Variants in SPAG17 observed in about 807,000 individuals in gnomAD.
The protein encoded by SPAG17 is sperm associated antigen 17.
A neutral mutation model predicts 273.6 loss-of-function variants in SPAG17; 169 were observed. The ratio of observed to expected loss-of-function variants is 0.62; its 90% CI spans 0.55 to 0.70. The LOEUF (loss-of-function observed/expected upper bound fraction) is 0.70, where lower values mean the gene tolerates loss of function less well. Among genes scored for constraint, SPAG17 ranks in the 30% least tolerant of loss-of-function variants. The probability of loss-of-function intolerance (pLI) is 0.00; values close to 1 mark genes in which losing one functional copy is unlikely to be tolerated. For synonymous variants in SPAG17, 825 were observed against 873.2 expected (o/e 0.94, Z 0.97); for missense variants, 2,557 against 2,627.8 (o/e 0.97, Z 0.59).
At chr1:117,982,019 T>C (rs903208287) in intron 42 of SPAG17, among the ~76,000 whole-genome samples, 34 of 152,130 alleles carry the variant, frequency 2.2e-4, no homozygotes, top group Non-Finnish European at 4.7e-4. Context: ...CAGTGTTTGG[T>C]TAGTGCTGAC....
At position 118,012,822 on chromosome 1, in the gene SPAG17, G is replaced by A. The variant is rs551364097; in HGVS notation, c.4288-450C>T. Among the ~76,000 whole-genome samples, 7 of 152,300 alleles carry A rather than the reference G, an allele frequency of 4.6e-5. No individual in the cohort carries two copies. In the South Asian group the frequency reaches 1.0e-3, roughly 23 times the overall value. On this transcript the variant is annotated intron_variant, in intron 29 of 48. Transcript: ENST00000336338. ...AACTGCAAGATGGCCTGCAAGTGTC[G>A]GGCTAATGTCATCAGAGCAGTACTT...
intron 5 of SPAG17, among the ~76,000 whole-genome samples, chr1:118,100,978 T>C (rs1426874130): frequency 6.6e-6 from 1 of 152,200 alleles, no homozygotes; most frequent in African/African-American, 2.4e-5. Flanking sequence ...ATAATCACTT[T>C]TTATTTTGCT....
intron 1 of SPAG17, among the ~76,000 whole-genome samples, chr1:118,172,179 A>G (rs754722608): frequency 1.6e-4 from 24 of 152,228 alleles, no homozygotes; most frequent in Non-Finnish European, 2.6e-4. Flanking sequence ...AATATATTAT[A>G]GTAGATGTTT....
chr1:117,958,343 C>T (rs1213644053), intron 48 of SPAG17, among the ~76,000 whole-genome samples: 1 of 152,124 alleles, frequency 6.6e-6, no homozygotes, highest in Non-Finnish European at 1.5e-5. Flanking sequence ...ATGTTACTAA[C>T]AATTTTTTTT....
At position 118,127,441 on chromosome 1, in the gene SPAG17, C is replaced by A. The variant is rs1156363857; in HGVS notation, c.316-12000G>T. On this transcript the variant is annotated intron_variant, in intron 3 of 48. Transcript: ENST00000336338. ...GATGGGAGTGTGGGGAGGTGCCACACACTTTTAAACCACCCGATCTCATGT... is the reference window on the plus strand; with the variant it reads ...GATGGGAGTGTGGGGAGGTGCCACAAACTTTTAAACCACCCGATCTCATGT... Among the ~76,000 whole-genome samples the A allele has an allele frequency of 2.0e-5, 3 of 152,104 alleles. No individual in the cohort carries two copies. In the East Asian group the frequency reaches 5.8e-4, roughly 29 times the overall value.
In SPAG17 at chr1:117,983,906, T is replaced by C; in HGVS notation, c.5777A>G (p.His1926Arg). Reference sequence around the variant, plus strand: ...CAGTTTTTTGGAAAGACTGTCCAGGTGATTATACTGAAAGGAAAAAAAAAC... The same window carrying C: ...CAGTTTTTTGGAAAGACTGTCCAGGCGATTATACTGAAAGGAAAAAAAAAC... ...LNQLYQSQYN[H>R]LDSLSKKLPS... The change falls in exon 42 of 49, where the codon CAC (histidine) becomes CGC (arginine). Residue 1926 changes from histidine (H) to arginine (R), a missense_variant. His to Arg is a conservative substitution (Grantham distance 29). Coordinates refer to ENST00000336338, the MANE Select transcript of SPAG17 (RefSeq NM_206996.4). 4 of 1,598,940 alleles carry C rather than the reference T, an allele frequency of 2.5e-6. No individual in the cohort carries two copies. Among genetic ancestry groups the C allele is most frequent in the Non-Finnish European group, 8.6e-7 (1 of 1,168,832 alleles).
rs894061595 is a variant in SPAG17 at position 118,013,160 on chromosome 1, T to C, written c.4288-788A>G. ...AGCTCAACCTGCAACTGCAGTACTG[T>C]AAATTGCATAATGCATATTTCAATC... On this transcript the variant is annotated intron_variant, in intron 29 of 48. Coordinates refer to ENST00000336338, the MANE Select transcript of SPAG17 (RefSeq NM_206996.4). 4.6e-5 allele frequency among the ~76,000 whole-genome samples: 7 copies of C among 152,374 alleles called. 2 individuals are homozygous for C. The South Asian group carries it at 1.4e-3, about 32-fold the overall frequency.
chr1:117,992,742 A>G, intron 35 of SPAG17, 94 bp from the exon 36 acceptor site: 3 of 1,115,036 alleles, frequency 2.7e-6, no homozygotes, highest in Non-Finnish European at 3.6e-6. Flanking sequence ...CATAGATATC[A>G]TAATAACTTT....
chr1:118,160,469 C>A (rs1361203948), intron 1 of SPAG17, among the ~76,000 whole-genome samples: 1 of 152,214 alleles, frequency 6.6e-6, no homozygotes, highest in Non-Finnish European at 1.5e-5. Flanking sequence ...GACCAATACT[C>A]ATTCTCATGA....
intron 26 of SPAG17, 68 bp downstream of exon 26, chr1:118,028,206 C>T (rs1429213481): frequency 1.3e-6 from 2 of 1,531,750 alleles, no homozygotes; most frequent in African/African-American, 1.4e-5. Flanking sequence ...CATGAAAATA[C>T]ACAATTTCCT....
At chr1:118,115,570 A>T in intron 3 of SPAG17, 129 bp from the exon 4 acceptor site, 1 of 764,090 alleles carries the variant, frequency 1.3e-6, no homozygotes, top group Non-Finnish European at 1.9e-6. Flanking sequence ...TTGCTGGCTG[A>T]AAAAAAAAAG....
At chr1:117,984,591 A>G in intron 41 of SPAG17, 92 bp downstream of exon 41, 2 of 790,138 alleles carry the variant, frequency 2.5e-6, no homozygotes, top group Non-Finnish European at 4.1e-6. Flanking sequence ...AGAATTAAAC[A>G]GCATCAGGAA....
chr1:118,086,676 G>A lies in SPAG17; in HGVS notation c.1606C>T (p.Leu536=). The change falls in exon 12 of 49, where the codon CTA becomes TTA. Residue 536 remains leucine (L), a synonymous_variant. Transcript: ENST00000336338. ...GCTAACCTGATTATTATTACCTGTA[G>A]TGCGTACTTCTTGTGGGCGTGTGCA... ...HDAHAHKKYA[L]QDQKNFDPVQ... The A allele has an allele frequency of 6.2e-7, 1 of 1,613,864 alleles. No homozygotes were observed. The highest frequency in any genetic ancestry group is 1.1e-5 in the South Asian group (1 of 91,082).
rs1571257961 is a variant in SPAG17 at position 118,020,207 on chromosome 1, T to C, written c.4069+3097A>G. Among the ~76,000 whole-genome samples the C allele has an allele frequency of 2.6e-5, 4 of 152,298 alleles. No individual in the cohort carries two copies. The Middle Eastern group carries it at 0.014, about 518-fold the overall frequency. On this transcript the variant is annotated intron_variant, in intron 28 of 48. Coordinates refer to ENST00000336338, the MANE Select transcript of SPAG17 (RefSeq NM_206996.4). ...GCCAAGGCAAGCGGATCACTTTAGG[T>C]CAGGAGTTCAAGACCAGCCTGGCCA...
chr1:118,135,413 G>A (rs866893873), intron 3 of SPAG17, among the ~76,000 whole-genome samples: 1 of 147,418 alleles, frequency 6.8e-6, no homozygotes, highest in Admixed American at 6.8e-5. Context: ...GTGTGTGTAT[G>A]TGTGTGTGTG....
intron 21 of SPAG17, 126 bp downstream of exon 21, chr1:118,041,677 A>T: frequency 7.9e-7 from 1 of 1,270,470 alleles, no homozygotes; most frequent in Non-Finnish European, 1.1e-6. Context: ...TGAGCTCATT[A>T]ATACCAGAAG....
chr1:118,072,869 G>A (rs1288831471), intron 17 of SPAG17, among the ~76,000 whole-genome samples: 2 of 152,114 alleles, frequency 1.3e-5, no homozygotes, highest in African/African-American at 4.8e-5. Context: ...GTGTTCTCAA[G>A]AGCGAATCAA....
intron 31 of SPAG17, 126 bp from the exon 32 acceptor site, chr1:118,005,728 AACATTAATCAAGGGAGG>A: frequency 1.6e-6 from 1 of 639,338 alleles, no homozygotes; most frequent in Non-Finnish European, 2.4e-6. Flanking sequence ...GCAGGAGGAA[AACATTAATCAAGGGAGG>A]ACTTAAGGTT....
At chr1:117,973,175 A>G (rs558143028) in intron 44 of SPAG17, among the ~76,000 whole-genome samples, 83 of 152,292 alleles carry the variant, frequency 5.5e-4, no homozygotes, top group Middle Eastern at 3.4e-3. Context: ...AATTTCTCCC[A>G]GCAGCCTGTA....
Sources: allele counts gnomAD v4.1 joint callset (sites outside exome capture counted in the v4.1 genomes callset), GRCh38; gene constraint gnomAD v4.1.1; transcripts MANE v1.5; gene names NCBI Gene and HGNC (gene_info 2026-07-23, HGNC 2026-07-21).